ESR1: variants seen among roughly 807,000 people sequenced by gnomAD.
The protein encoded by ESR1 is estrogen receptor.
A neutral mutation model predicts 52.7 loss-of-function variants in ESR1; 12 were observed. That is an observed-to-expected ratio of 0.23 (90% CI 0.15 to 0.37). ESR1 has a LOEUF of 0.37. Ranked by LOEUF, ESR1 falls within the 10% of genes least tolerant of loss-of-function variation. ESR1 has a pLI of 1.00. For synonymous variants in ESR1, 305 were observed against 316.8 expected, an observed-to-expected ratio of 0.96 and a Z score of 0.39; for missense variants, 584 against 779.7, an observed-to-expected ratio of 0.75 and a Z score of 2.99.
downstream of ESR1, among the ~76,000 whole-genome samples, chr6:152,106,118 G>A (rs1405050811): frequency 1.3e-5 from 2 of 152,138 alleles, no homozygotes; most frequent in African/African-American, 4.8e-5. Flanking sequence ...ATCTATCACA[G>A]TATATTTCAA....
chr6:151,785,398 C>T (rs1213000412), intron 2 of ESR1, among the ~76,000 whole-genome samples: 3 of 152,196 alleles, frequency 2.0e-5, no homozygotes, highest in African/African-American at 7.2e-5. Flanking sequence ...GATGCTGTTG[C>T]CCTGGAGCCC....
chr6:151,665,345 T>C (rs1777781883), intron 1 of ESR1, among the ~76,000 whole-genome samples: 1 of 152,194 alleles, frequency 6.6e-6, no homozygotes, highest in African/African-American at 2.4e-5. Context: ...GTTTGTTTTT[T>C]AGAAGTGTTT....
intron 2 of ESR1, among the ~76,000 whole-genome samples, chr6:151,789,531 G>A (rs371614903): frequency 1.3e-5 from 2 of 152,138 alleles, no homozygotes; most frequent in Non-Finnish European, 2.9e-5. Context: ...AATGATAGAC[G>A]CAAATTCCTT....
At chr6:152,077,707 T>C (rs2048856660) in intron 6 of ESR1, among the ~76,000 whole-genome samples, 1 of 152,230 alleles carries the variant, frequency 6.6e-6, no homozygotes. Flanking sequence ...AAAGGAGATA[T>C]TTTGAAGCTT....
intron 2 of ESR1, among the ~76,000 whole-genome samples, chr6:151,855,611 A>G (rs555098667): frequency 6.6e-6 from 1 of 152,352 alleles, no homozygotes; most frequent in East Asian, 1.9e-4. Context: ...GCAAAGATAT[A>G]TCATCCATAG....
At chr6:151,867,952 T>C (rs1414825268) in intron 2 of ESR1, among the ~76,000 whole-genome samples, 2 of 152,232 alleles carry the variant, frequency 1.3e-5, no homozygotes, top group Non-Finnish European at 2.9e-5. Flanking sequence ...TTGCATATTA[T>C]TTATTTTTCA....
intron 3 of ESR1, among the ~76,000 whole-genome samples, chr6:151,914,791 C>A (rs1798797389): frequency 6.6e-6 from 1 of 152,130 alleles, no homozygotes; most frequent in African/African-American, 2.4e-5. Context: ...GTACATAATA[C>A]CGTAAGCACT....
At chr6:151,935,116 T>G (rs1484955440) in intron 3 of ESR1, among the ~76,000 whole-genome samples, 1 of 152,196 alleles carries the variant, frequency 6.6e-6, no homozygotes, top group African/African-American at 2.4e-5. Context: ...AGCACCTGCC[T>G]TGTGGCTTTG....
chr6:151,770,936 G>A (rs754703835), intron 2 of ESR1, among the ~76,000 whole-genome samples: 25 of 152,104 alleles, frequency 1.6e-4, no homozygotes, highest in Admixed American at 1.3e-4. Flanking sequence ...GTTTGAAGAG[G>A]AGAGAAAGAA....
chr6:151,931,102 T>G (rs891439394), intron 3 of ESR1, among the ~76,000 whole-genome samples: 1 of 152,214 alleles, frequency 6.6e-6, no homozygotes, highest in Non-Finnish European at 1.5e-5. Context: ...TCATTAATTT[T>G]GAAAAGTTCT....
intron 2 of ESR1, among the ~76,000 whole-genome samples, chr6:151,860,514 T>C (rs765065694): frequency 6.6e-6 from 1 of 152,172 alleles, no homozygotes; most frequent in Non-Finnish European, 1.5e-5. Context: ...AATTGTGTGA[T>C]ATATATGTGT....
intron 2 of ESR1, among the ~76,000 whole-genome samples, chr6:151,867,081 G>A (rs534388064): frequency 3.9e-5 from 6 of 152,178 alleles, no homozygotes; most frequent in Admixed American, 3.9e-4. Flanking sequence ...ACTGAAACTG[G>A]ACCCCTTCCT....
At chr6:151,895,095 A>C (rs1342184500) in intron 3 of ESR1, among the ~76,000 whole-genome samples, 1 of 145,856 alleles carries the variant, frequency 6.9e-6, no homozygotes, top group Non-Finnish European at 1.5e-5. Context: ...TTCTTTGTAG[A>C]GGTCCTTCAC....
chr6:151,950,074 T>A (rs1214364127), intron 4 of ESR1, among the ~76,000 whole-genome samples: 1 of 151,392 alleles, frequency 6.6e-6, no homozygotes, highest in Non-Finnish European at 1.5e-5. Flanking sequence ...AAAAGGGGAG[T>A]TTTTCTGCAC....
At chr6:152,034,871 C>T (rs73629954) in intron 5 of ESR1, among the ~76,000 whole-genome samples, 1 of 152,202 alleles carries the variant, frequency 6.6e-6, no homozygotes, top group Non-Finnish European at 1.5e-5. Flanking sequence ...AGACTCTGAA[C>T]TATCACATGG....
intron 2 of ESR1, among the ~76,000 whole-genome samples, chr6:151,767,770 A>T (rs1785182493): frequency 6.6e-6 from 1 of 152,216 alleles, no homozygotes; most frequent in South Asian, 2.1e-4. Flanking sequence ...GCTAAGGTCT[A>T]GTGGCTCCAC....
chr6:152,096,682 C>T, intron 7 of ESR1: 1 of 455,970 alleles, frequency 2.2e-6, no homozygotes, highest in South Asian at 1.5e-5. Context: ...TCCTGTGTAA[C>T]AGATGAAGGA....
At chr6:152,012,095 T>C (rs1005096681) in intron 5 of ESR1, among the ~76,000 whole-genome samples, 7 of 151,790 alleles carry the variant, frequency 4.6e-5, no homozygotes, top group Admixed American at 3.9e-4. Context: ...GGTAATTTTC[T>C]AACTCCATCT....
At chr6:151,766,184 G>T (rs996881016) in intron 2 of ESR1, among the ~76,000 whole-genome samples, 1 of 152,006 alleles carries the variant, frequency 6.6e-6, no homozygotes. Flanking sequence ...CTTCCTCTTC[G>T]CATTGCATTT....
Sources: allele counts gnomAD v4.1 joint callset (sites outside exome capture counted in the v4.1 genomes callset), GRCh38; gene constraint gnomAD v4.1.1; transcripts MANE v1.5; gene names NCBI Gene and HGNC (gene_info 2026-07-23, HGNC 2026-07-21).